Variants in RABGAP1L observed in about 807,000 individuals in gnomAD.
RABGAP1L encodes the protein rab GTPase-activating protein 1-like.
In RABGAP1L, 63 loss-of-function variants were observed where a neutral mutation model predicts 137.7. The observed-to-expected ratio is 0.46, with a 90% CI of 0.37 to 0.56. The LOEUF (loss-of-function observed/expected upper bound fraction) is 0.56, where lower values mean the gene tolerates loss of function less well. RABGAP1L is among the 20% of genes least tolerant of loss of function. RABGAP1L has a pLI of 0.00. For missense variants in RABGAP1L, 1,095 were observed against 1,244.0 expected, an observed-to-expected ratio of 0.88 and a Z score of 1.80; for synonymous variants, 431 against 433.7, an observed-to-expected ratio of 0.99 and a Z score of 0.08.
chr1:174,968,540 G>A (rs189263585), intron 20 of RABGAP1L, among the ~76,000 whole-genome samples: 25 of 141,236 alleles, frequency 1.8e-4, no homozygotes, highest in Admixed American at 5.0e-4. Flanking sequence ...TGTTTGTTTC[G>A]TTTTTTTGTT....
intron 19 of RABGAP1L, among the ~76,000 whole-genome samples, chr1:174,880,378 T>A (rs1362864351): frequency 6.6e-6 from 1 of 151,786 alleles, no homozygotes; most frequent in Non-Finnish European, 1.5e-5. Context: ...ATGCCTGTAA[T>A]CTCAACACTT....
At chr1:174,880,279 T>A (rs1653958833) in intron 19 of RABGAP1L, among the ~76,000 whole-genome samples, 1 of 152,142 alleles carries the variant, frequency 6.6e-6, no homozygotes, top group South Asian at 2.1e-4. Flanking sequence ...GTAGATAATC[T>A]TTAAATTTTA....
intron 13 of RABGAP1L, among the ~76,000 whole-genome samples, chr1:174,583,771 G>C (rs1668915972): frequency 6.6e-6 from 1 of 152,126 alleles, no homozygotes; most frequent in African/African-American, 2.4e-5. Flanking sequence ...TTGTGCTGTA[G>C]AGAAAGAGCA....
intron 24 of RABGAP1L, among the ~76,000 whole-genome samples, chr1:174,987,891 G>A (rs945148000): frequency 1.3e-5 from 2 of 152,100 alleles, no homozygotes; most frequent in Admixed American, 6.5e-5. Flanking sequence ...CTCACTGCAA[G>A]CTCCGCCTCC....
intron 18 of RABGAP1L, among the ~76,000 whole-genome samples, chr1:174,797,524 G>A (rs375778931): frequency 1.4e-5 from 2 of 140,760 alleles, no homozygotes; most frequent in East Asian, 4.2e-4. Context: ...TGTAGGGGGT[G>A]TGTGTGTGGT....
At chr1:174,866,969 T>C (rs974382988) in intron 19 of RABGAP1L, among the ~76,000 whole-genome samples, 25 of 151,914 alleles carry the variant, frequency 1.6e-4, no homozygotes, top group African/African-American at 5.3e-4. Flanking sequence ...GCGCTTGTAG[T>C]CCCAATTACT....
chr1:174,263,694 G>A (rs1481389156), intron 7 of RABGAP1L, among the ~76,000 whole-genome samples: 1 of 151,834 alleles, frequency 6.6e-6, no homozygotes, highest in African/African-American at 2.4e-5. Context: ...CTGCAAAGTA[G>A]ATTATCTTTT....
chr1:174,463,290 A>G (rs564584951), intron 13 of RABGAP1L, among the ~76,000 whole-genome samples: 1 of 152,226 alleles, frequency 6.6e-6, no homozygotes, highest in African/African-American at 2.4e-5. Context: ...AGACTGGATT[A>G]AGAAAATGTG....
intron 5 of RABGAP1L, among the ~76,000 whole-genome samples, chr1:174,249,824 A>C (rs1027848708): frequency 6.6e-6 from 1 of 151,982 alleles, no homozygotes. Flanking sequence ...TTGTATTTTT[A>C]GTAGAGATGG....
chr1:174,605,091 A>T (rs550311486), intron 13 of RABGAP1L, among the ~76,000 whole-genome samples: 8 of 152,278 alleles, frequency 5.3e-5, no homozygotes, highest in African/African-American at 1.9e-4. Context: ...CAGTGAGCTG[A>T]GATCACACCA....
chr1:174,516,091 T>C (rs976009259), intron 13 of RABGAP1L, among the ~76,000 whole-genome samples: 7 of 149,018 alleles, frequency 4.7e-5, no homozygotes, highest in African/African-American at 1.7e-4. Flanking sequence ...TAGATTATTA[T>C]GAAAGTCAAG....
At chr1:174,226,111 A>G (rs1024054848) in intron 3 of RABGAP1L, among the ~76,000 whole-genome samples, 4 of 152,146 alleles carry the variant, frequency 2.6e-5, no homozygotes, top group Non-Finnish European at 5.9e-5. Context: ...GGCTGGAAAG[A>G]TTGGATTTCT....
chr1:174,934,383 G>A (rs6695094), intron 19 of RABGAP1L, among the ~76,000 whole-genome samples: 1,703 of 151,988 alleles, frequency 0.011, 36 homozygotes, highest in African/African-American at 0.04. Flanking sequence ...CACCACGCCC[G>A]GCCGAAAGTT....
At chr1:174,896,783 T>G (rs984626540) in intron 19 of RABGAP1L, among the ~76,000 whole-genome samples, 3 of 152,202 alleles carry the variant, frequency 2.0e-5, no homozygotes, top group South Asian at 2.1e-4. Context: ...GGCTCTGTTC[T>G]GTTCCATTGG....
chr1:174,863,491 G>A (rs1650653001), intron 19 of RABGAP1L, among the ~76,000 whole-genome samples: 1 of 151,178 alleles, frequency 6.6e-6, no homozygotes, highest in Admixed American at 6.6e-5. Context: ...GGCTAACATG[G>A]TGAAACCCCG....
intron 14 of RABGAP1L, among the ~76,000 whole-genome samples, chr1:174,642,855 G>A (rs1445272601): frequency 6.7e-6 from 1 of 149,934 alleles, no homozygotes; most frequent in Non-Finnish European, 1.5e-5. Context: ...TGCAATCTTG[G>A]TTCATTGCAA....
rs551746957 is a variant in RABGAP1L, at chr1:174,587,988, C to T, written c.1711-49387C>T. 1.1e-4 allele frequency among the ~76,000 whole-genome samples: 17 copies of T among 151,928 alleles called. No homozygotes were observed. In the Middle Eastern group the frequency reaches 0.01, roughly 92 times the overall value. ...AAGTGATTCTTCTGCCTCAGCCTCC[C>T]GAGTAGTTGGGACTACAGGCGTGCA... On this transcript the variant is annotated intron_variant, in intron 13 of 25. Coordinates refer to ENST00000681986, the MANE Select transcript of RABGAP1L (RefSeq NM_001366446.1).
intron 13 of RABGAP1L, among the ~76,000 whole-genome samples, chr1:174,489,280 C>T (rs1659979000): frequency 6.6e-6 from 1 of 152,130 alleles, no homozygotes; most frequent in Admixed American, 6.5e-5. Flanking sequence ...ATCTACCCAT[C>T]TGACAAAGGG....
intron 13 of RABGAP1L, among the ~76,000 whole-genome samples, chr1:174,476,229 G>A (rs1240317405): frequency 6.6e-6 from 1 of 152,000 alleles, no homozygotes; most frequent in Non-Finnish European, 1.5e-5. Flanking sequence ...ACTATCAAAT[G>A]CTCTGAAAAA....
Sources: allele counts gnomAD v4.1 joint callset (sites outside exome capture counted in the v4.1 genomes callset), GRCh38; gene constraint gnomAD v4.1.1; transcripts MANE v1.5; gene names NCBI Gene and HGNC (gene_info 2026-07-23, HGNC 2026-07-21).